The following PIWIL2 variants were observed in gnomAD, a reference collection of about 807,000 sequenced individuals.
The protein encoded by PIWIL2 is piwi-like protein 2.
Under a neutral mutation model 116.5 loss-of-function variants are expected in PIWIL2, and 81 were observed. The observed-to-expected ratio is 0.70, with a 90% CI of 0.58 to 0.84. The LOEUF (loss-of-function observed/expected upper bound fraction) is 0.84, where lower values mean the gene tolerates loss of function less well. Among genes scored for constraint, PIWIL2 ranks in the 40% least tolerant of loss-of-function variants. The pLI is 0.00. For synonymous variants in PIWIL2, 489 were observed against 429.5 expected, an observed-to-expected ratio of 1.14 and a Z score of -1.71; for missense variants, 1,272 against 1,212.3, an observed-to-expected ratio of 1.05 and a Z score of -0.73.
chr8:22,330,233 C>G (rs967771174), intron 20 of PIWIL2, among the ~76,000 whole-genome samples: 1 of 152,002 alleles, frequency 6.6e-6, no homozygotes, highest in African/African-American at 2.4e-5. Flanking sequence ...TTAAGCACCT[C>G]TAGTAAATTT....
At chr8:22,312,483 C>G (rs956776445) in intron 16 of PIWIL2, among the ~76,000 whole-genome samples, 3 of 152,036 alleles carry the variant, frequency 2.0e-5, no homozygotes, top group Non-Finnish European at 4.4e-5. Flanking sequence ...CCAGGCTGGT[C>G]TCGAGCTTCT....
intron 16 of PIWIL2, among the ~76,000 whole-genome samples, chr8:22,313,345 C>G (rs772045605): frequency 7.9e-5 from 12 of 152,158 alleles, no homozygotes; most frequent in Non-Finnish European, 1.5e-4. Context: ...GATATAAACC[C>G]AGGATTGCCA....
chr8:22,351,482 T>TATATATAA (rs1401638608), intron 20 of PIWIL2, among the ~76,000 whole-genome samples: 52 of 115,658 alleles, frequency 4.5e-4, no homozygotes, highest in African/African-American at 1.5e-3. Context: ...TATATATATA[T>TATATATAA]AATTTATATC....
intron 20 of PIWIL2, among the ~76,000 whole-genome samples, chr8:22,333,345 C>T (rs754417812): frequency 6.6e-5 from 10 of 152,146 alleles, no homozygotes; most frequent in Non-Finnish European, 1.2e-4. Context: ...GGCGCAGTGG[C>T]TCACGCCTGT....
chr8:22,331,579 AT>A (rs1433706337), intron 20 of PIWIL2, among the ~76,000 whole-genome samples: 3 of 152,192 alleles, frequency 2.0e-5, no homozygotes, highest in Non-Finnish European at 4.4e-5. Context: ...AAAAATTGGA[AT>A]TTTTAGAAAT....
rs115439502 is a variant in PIWIL2, at chr8:22,308,871, G to T, written c.1686+798G>T. On this transcript the variant is annotated intron_variant, in intron 14 of 22. Transcript: ENST00000356766. ...ACCATGTTGCCATGGCTGGTCTCTC[G>T]AGCTCCTGACCTCAAATGATCCGCC... 3.5e-3 allele frequency among the ~76,000 whole-genome samples: 535 copies of T among 151,908 alleles called. 5 individuals are homozygous for T. The highest frequency in any genetic ancestry group is 0.013 in the African/African-American group (519 of 41,432).
rs976546090 is a variant in PIWIL2 at position 22,356,819 on chromosome 8, G to A, written c.*1314G>A. The stretch of plus-strand genomic sequence containing the variant: ...GTTAGAAAGTTATCACATACCATGG[G>A]TTTCAGTGTTTTTGGAAACCCGTTT... On this transcript the variant is annotated 3_prime_UTR_variant, in exon 23 of 23. Transcript: ENST00000356766. 2 of 152,038 alleles carry A rather than the reference G, an allele frequency of 1.3e-5. No individual in the cohort carries two copies. Among genetic ancestry groups the A allele is most frequent in the Non-Finnish European group, 2.9e-5 (2 of 68,020 alleles). 9.4% of individuals were successfully genotyped at this position (152,038 alleles called of 1,614,324 possible).
intron 20 of PIWIL2, among the ~76,000 whole-genome samples, chr8:22,342,670 A>G (rs1161342636): frequency 6.6e-6 from 1 of 152,238 alleles, no homozygotes; most frequent in Non-Finnish European, 1.5e-5. Flanking sequence ...CTTACAGAAG[A>G]TAACATAGAA....
rs763142061 is a variant in PIWIL2 at position 22,302,600 on chromosome 8, C to G, written c.1182-1421C>G. On this transcript the variant is annotated intron_variant, in intron 10 of 22. Transcript: ENST00000356766. ...TTTTTCCTTATTATCATTTTTTAACCTGGCTTCCTAGTGATCACCCCCTTG... is the reference window on the plus strand; with the variant it reads ...TTTTTCCTTATTATCATTTTTTAACGTGGCTTCCTAGTGATCACCCCCTTG... Among the ~76,000 whole-genome samples, 392 of 152,248 alleles carry G rather than the reference C, an allele frequency of 2.6e-3. 1 individual carries two copies. Among genetic ancestry groups the G allele is most frequent in the Non-Finnish European group, 4.5e-3 (303 of 68,022 alleles).
intron 20 of PIWIL2, among the ~76,000 whole-genome samples, chr8:22,348,986 A>G (rs1832290482): frequency 6.6e-6 from 1 of 151,876 alleles, no homozygotes; most frequent in Non-Finnish European, 1.5e-5. Context: ...TAGTTGGCAA[A>G]TGTTAAAGAA....
intron 20 of PIWIL2, among the ~76,000 whole-genome samples, chr8:22,339,489 A>G (rs895237358): frequency 6.6e-6 from 1 of 150,572 alleles, no homozygotes; most frequent in African/African-American, 2.5e-5. Flanking sequence ...GCCTGGTGAC[A>G]GAGTGAGACT....
intron 10 of PIWIL2, among the ~76,000 whole-genome samples, chr8:22,303,110 T>C (rs1174709638): frequency 1.3e-5 from 2 of 152,174 alleles, no homozygotes; most frequent in Admixed American, 1.3e-4. Flanking sequence ...TTACCAGATC[T>C]AGGGAAGGAG....
At position 22,308,003 on chromosome 8, in the gene PIWIL2, T is replaced by C. The variant is rs774185377; in HGVS notation, c.1616T>C (p.Ile539Thr). The C allele has an allele frequency of 6.2e-7, 1 of 1,613,892 alleles. No homozygotes were observed. Among genetic ancestry groups the C allele is most frequent in the East Asian group, 2.2e-5 (1 of 44,860 alleles). The change falls in exon 14 of 23, where the codon ATT (isoleucine) becomes ACT (threonine). Residue 539 changes from isoleucine to threonine, a missense_variant. Physicochemically the swap from Ile to Thr is moderately conservative, Grantham distance 89. Transcript: ENST00000356766. ...GCTTTGGAATGCTTGCTGCAAAGAATTGCAAAGAACGAGGCAGCCACCAAT... is the reference window on the plus strand; with the variant it reads ...GCTTTGGAATGCTTGCTGCAAAGAACTGCAAAGAACGAGGCAGCCACCAAT... ...HSALECLLQR[I>T]AKNEAATNEL...
At chr8:22,308,106 G>T (rs1358546809) in intron 14 of PIWIL2, 33 bp downstream of exon 14, 1 of 1,570,644 alleles carries the variant, frequency 6.4e-7, no homozygotes, top group South Asian at 1.1e-5. Flanking sequence ...GTATGCACAT[G>T]TACAGAGACA....
rs548497542 is a variant in PIWIL2, at chr8:22,334,183, C to A, written c.2403+15908C>A. On this transcript the variant is annotated intron_variant, in intron 20 of 22. Transcript: ENST00000356766. The stretch of plus-strand genomic sequence containing the variant: ...ATAGATGGGGTTTCATCATGTTGGC[C>A]AGGCTAGTCTCGAACTCCTGACCTT... Among the ~76,000 whole-genome samples the A allele has an allele frequency of 5.3e-4, 80 of 151,876 alleles. 1 individual carries two copies. Among genetic ancestry groups the A allele is most frequent in the African/African-American group, 1.7e-3 (70 of 41,360 alleles).
chr8:22,312,387 T>G (rs1831355013), intron 16 of PIWIL2, among the ~76,000 whole-genome samples: 1 of 152,032 alleles, frequency 6.6e-6, no homozygotes. Flanking sequence ...GCCTCAGCCT[T>G]CCAAGTAGCT....
chr8:22,284,231 G>T lies in PIWIL2; in HGVS notation c.702G>T (p.Gln234His). Residue 234 changes from glutamine (Q) to histidine (H), a missense_variant, in exon 6 of 23, where the codon CAG becomes CAT. Gln to His is a conservative substitution (Grantham distance 24). Transcript: ENST00000356766. ...QSLGLNLVKI[Q>H]CHNEAVYQYH... ...TGGGACTGAACCTCGTCAAAATACAGTGTCATAATGAAGCAGTTTATCAAT... is the reference window on the plus strand; with the variant it reads ...TGGGACTGAACCTCGTCAAAATACATTGTCATAATGAAGCAGTTTATCAAT... 6.2e-7 allele frequency: 1 copy of T among 1,604,344 alleles called. No individual in the cohort carries two copies. Among genetic ancestry groups the T allele is most frequent in the Non-Finnish European group, 8.5e-7 (1 of 1,174,418 alleles).
chr8:22,318,323 A>T (rs772968496), intron 20 of PIWIL2, 48 bp downstream of exon 20: 856 of 890,960 alleles, frequency 9.6e-4, no homozygotes, highest in Non-Finnish European at 1.3e-3. Context: ...TTGTTTTTTT[A>T]TTTTTTTTTT....
intron 20 of PIWIL2, among the ~76,000 whole-genome samples, chr8:22,324,468 A>T (rs1368608976): frequency 3.9e-5 from 6 of 152,132 alleles, no homozygotes; most frequent in African/African-American, 1.4e-4. Flanking sequence ...CCATTCATAT[A>T]GAGCAGTGTT....
Sources: allele counts gnomAD v4.1 joint callset (sites outside exome capture counted in the v4.1 genomes callset), GRCh38; gene constraint gnomAD v4.1.1; transcripts MANE v1.5; gene names NCBI Gene and HGNC (gene_info 2026-07-23, HGNC 2026-07-21).